PTPRR: variants seen among roughly 807,000 people sequenced by gnomAD.
The protein encoded by PTPRR is receptor-type tyrosine-protein phosphatase R.
PTPRR carries 38 observed loss-of-function variants against 77.2 expected under a neutral mutation model. That is an observed-to-expected ratio of 0.49 (90% CI 0.38 to 0.65). The LOEUF is 0.65. Ranked by LOEUF, PTPRR falls within the 30% of genes least tolerant of loss-of-function variation. The probability of loss-of-function intolerance (pLI) is 0.00; values close to 1 mark genes in which losing one functional copy is unlikely to be tolerated. For missense variants in PTPRR, 744 were observed against 799.2 expected (o/e 0.93, Z 0.83); for synonymous variants, 299 against 283.1 (o/e 1.06, Z -0.57).
chr12:70,759,357 G>A (rs1890635369), intron 4 of PTPRR, among the ~76,000 whole-genome samples: 1 of 152,104 alleles, frequency 6.6e-6, no homozygotes, highest in African/African-American at 2.4e-5. Flanking sequence ...GTGTAGAGAT[G>A]AGCCTAAAGA....
chr12:70,900,280 G>A (rs1893508505), intron 1 of PTPRR, among the ~76,000 whole-genome samples: 1 of 151,486 alleles, frequency 6.6e-6, no homozygotes, highest in Non-Finnish European at 1.5e-5. Context: ...AGGTAGTGTA[G>A]TGTTGGCAAA....
chr12:70,770,369 C>G (rs35229303), intron 2 of PTPRR, among the ~76,000 whole-genome samples: 22 of 151,992 alleles, frequency 1.4e-4, no homozygotes, highest in Non-Finnish European at 1.9e-4. Flanking sequence ...AGACACTTCT[C>G]GAAAGAAGAC....
intron 6 of PTPRR, among the ~76,000 whole-genome samples, chr12:70,719,728 A>T (rs1410702315): frequency 6.6e-6 from 1 of 152,158 alleles, no homozygotes; most frequent in Admixed American, 6.5e-5. Context: ...GAGCATCTGC[A>T]GTCTGAACCC....
chr12:70,805,605 C>T (rs983263205), intron 2 of PTPRR, among the ~76,000 whole-genome samples: 1 of 152,226 alleles, frequency 6.6e-6, no homozygotes. Flanking sequence ...AAGTGATCCT[C>T]CTGTTTCGGC....
chr12:70,689,703 T>G (rs1033691922), intron 8 of PTPRR, among the ~76,000 whole-genome samples: 39 of 152,178 alleles, frequency 2.6e-4, no homozygotes, highest in Non-Finnish European at 1.5e-5. Flanking sequence ...GGAGGTTCCC[T>G]GCTGGGAGCC....
chr12:70,817,812 GTCAC>G (rs1483126454), intron 2 of PTPRR, among the ~76,000 whole-genome samples: 5 of 152,162 alleles, frequency 3.3e-5, no homozygotes, highest in Admixed American at 6.5e-5. Flanking sequence ...AACTTAAGAT[GTCAC>G]TCAGTTTATT....
rs561576828 is a variant in PTPRR at position 70,667,873 on chromosome 12, T to A, written c.1498-5268A>T. On this transcript the variant is annotated intron_variant, in intron 10 of 13. Coordinates refer to ENST00000283228, the MANE Select transcript of PTPRR (RefSeq NM_002849.4). ...GACCCTCTGGTTGTGGGACTTGGTT[T>A]GCTCGTTTCTTTTCATTCATTTTCA... 5.3e-5 allele frequency among the ~76,000 whole-genome samples: 8 copies of A among 152,146 alleles called. No individual in the cohort carries two copies. The South Asian group carries it at 1.7e-3, about 32-fold the overall frequency.
At chr12:70,725,999 C>T (rs1486760996) in intron 6 of PTPRR, among the ~76,000 whole-genome samples, 11 of 151,906 alleles carry the variant, frequency 7.2e-5, no homozygotes, top group Non-Finnish European at 1.3e-4. Flanking sequence ...ATAATGTACA[C>T]ATCATAGATA....
At chr12:70,815,063 A>T (rs1435398322) in intron 2 of PTPRR, among the ~76,000 whole-genome samples, 6 of 151,774 alleles carry the variant, frequency 4.0e-5, no homozygotes, top group African/African-American at 1.5e-4. Flanking sequence ...TTAAAACAGT[A>T]ATTACAACTA....
chr12:70,691,367 C>T (rs938557861), intron 8 of PTPRR, among the ~76,000 whole-genome samples: 3 of 152,160 alleles, frequency 2.0e-5, no homozygotes, highest in Admixed American at 1.3e-4. Context: ...GGTTTTCCTG[C>T]TCCCTTTTCG....
intron 2 of PTPRR, among the ~76,000 whole-genome samples, chr12:70,873,459 A>T (rs939260762): frequency 3.3e-5 from 5 of 152,192 alleles, no homozygotes; most frequent in Non-Finnish European, 7.3e-5. Flanking sequence ...CCTGAAGTCA[A>T]GCTGGATGAG....
At chr12:70,671,933 A>T in intron 10 of PTPRR, 1 of 973,826 alleles carries the variant, frequency 1.0e-6, no homozygotes, top group Non-Finnish European at 1.6e-6. Context: ...GGTCTCTGGT[A>T]GAAGAAGGTT....
rs547782875 is a variant in PTPRR at position 70,819,393 on chromosome 12, A to T, written c.358-54615T>A. 3.0e-3 allele frequency among the ~76,000 whole-genome samples: 459 copies of T among 152,344 alleles called. 1 individual carries two copies. Among genetic ancestry groups the T allele is most frequent in the Non-Finnish European group, 4.7e-3 (323 of 68,030 alleles). On this transcript the variant is annotated intron_variant, in intron 2 of 13. Coordinates refer to ENST00000283228, the MANE Select transcript of PTPRR (RefSeq NM_002849.4). The stretch of plus-strand genomic sequence containing the variant: ...GTCAAATTGTGCATTTATGGGCTTC[A>T]TATGTTTTGCAAAGTATTTATGGTC...
intron 13 of PTPRR, among the ~76,000 whole-genome samples, chr12:70,654,841 C>T (rs1441254287): frequency 6.6e-6 from 1 of 152,188 alleles, no homozygotes; most frequent in Non-Finnish European, 1.5e-5. Context: ...GACAGGGTCT[C>T]ACTTTGTTGC....
chr12:70,814,766 G>A (rs1352098730), intron 2 of PTPRR, among the ~76,000 whole-genome samples: 1 of 152,108 alleles, frequency 6.6e-6, no homozygotes, highest in East Asian at 1.9e-4. Context: ...AAACTGCTCT[G>A]GTTCCACCTA....
intron 2 of PTPRR, among the ~76,000 whole-genome samples, chr12:70,806,652 C>A (rs958435111): frequency 1.3e-5 from 2 of 152,164 alleles, no homozygotes; most frequent in African/African-American, 4.8e-5. Flanking sequence ...ATCATACTAC[C>A]ATTTGCCTCT....
At chr12:70,793,256 C>T (rs950181576) in intron 2 of PTPRR, among the ~76,000 whole-genome samples, 1 of 152,142 alleles carries the variant, frequency 6.6e-6, no homozygotes, top group African/African-American at 2.4e-5. Context: ...TTTCAACATG[C>T]TGGGAATCAG....
At chr12:70,806,083 C>T (rs1253306816) in intron 2 of PTPRR, among the ~76,000 whole-genome samples, 1 of 152,182 alleles carries the variant, frequency 6.6e-6, no homozygotes, top group Non-Finnish European at 1.5e-5. Flanking sequence ...TTCTTACCCT[C>T]ACAGGTCTGA....
intron 2 of PTPRR, among the ~76,000 whole-genome samples, chr12:70,804,867 A>G (rs1260375270): frequency 6.6e-6 from 1 of 152,216 alleles, no homozygotes; most frequent in Non-Finnish European, 1.5e-5. Context: ...GATCATTGCT[A>G]CAAAAAGAAA....
Sources: gnomAD v4.1 joint callset for allele counts (sites outside exome capture counted in the v4.1 genomes callset) on GRCh38, gnomAD v4.1.1 for gene constraint, MANE v1.5 for transcripts, NCBI Gene and HGNC (gene_info 2026-07-23, HGNC 2026-07-21) for gene names.